Variants in DNAJC5 observed in about 807,000 individuals in gnomAD.
DNAJC5 encodes the protein DnaJ heat shock protein family (Hsp40) member C5.
In DNAJC5, 1 loss-of-function variant was observed where a neutral mutation model predicts 23.2. That is an observed-to-expected ratio of 0.04 (90% CI 0.02 to 0.20). DNAJC5 has a LOEUF of 0.20. Ranked by LOEUF, DNAJC5 falls within the 10% of genes least tolerant of loss-of-function variation. The probability of loss-of-function intolerance (pLI) is 1.00; values close to 1 mark genes in which losing one functional copy is unlikely to be tolerated. For missense variants in DNAJC5, 180 were observed against 267.0 expected, an observed-to-expected ratio of 0.67 and a Z score of 2.27; for synonymous variants, 136 against 120.0, an observed-to-expected ratio of 1.13 and a Z score of -0.87.
chr20:63,915,526 G>A (rs1423779948), intron 1 of DNAJC5, among the ~76,000 whole-genome samples: 2 of 152,152 alleles, frequency 1.3e-5, no homozygotes, highest in East Asian at 3.8e-4. Flanking sequence ...ACCAGTGAAG[G>A]GTCGGTGTCC....
In DNAJC5 at chr20:63,931,668, C is replaced by A; in HGVS notation, c.*100C>A. ...CAGAGATGGGAAGGCAGCCTCCTGC[C>A]TGCCCTGGCCTTGCTGGGGCCCCTC... On this transcript the variant is annotated 3_prime_UTR_variant, in exon 5 of 5. Transcript: ENST00000360864. The surrounding 1 kb of genome is among the most constrained non-coding windows in gnomAD (Gnocchi z 9.6). The A allele has an allele frequency of 7.7e-7, 1 of 1,295,346 alleles. No homozygotes were observed. Among genetic ancestry groups the A allele is most frequent in the Non-Finnish European group, 1.1e-6 (1 of 927,808 alleles). The allele number at this position is 1,295,346 out of a possible 1,614,324, so 80.2% of individuals were successfully genotyped here. A position where few individuals can be genotyped will look rare whatever the true frequency, so the allele number is the denominator to read the frequency against.
In DNAJC5 at chr20:63,934,948, C is replaced by CT. The variant is rs1383680496; in HGVS notation, c.*3382dup. The CT allele has an allele frequency of 6.6e-6, 1 of 152,296 alleles. No individual in the cohort carries two copies. The highest frequency in any genetic ancestry group is 2.4e-5 in the African/African-American group (1 of 41,458). 9.4% of individuals were successfully genotyped at this position (152,296 alleles called of 1,614,324 possible). ...AGAGTTCAGCGCTTGTCCACCCTCC[C>CT]TTAGCTCTGACTCAGTGCATCCTAC... On this transcript the variant is annotated 3_prime_UTR_variant, in exon 5 of 5. Transcript: ENST00000360864.
rs150002627 is a variant in DNAJC5 at position 63,897,252 on chromosome 20, G to A, written c.-12+1929G>A. ...TCTACTAAAAATACAAAATTAGCTG[G>A]GTGTGGTGGCGTGTGCCTGTAATCC... On this transcript the variant is annotated intron_variant, in intron 1 of 4. Coordinates refer to ENST00000360864, the MANE Select transcript of DNAJC5 (RefSeq NM_025219.3). Among the ~76,000 whole-genome samples, 937 of 152,216 alleles carry A rather than the reference G, an allele frequency of 6.2e-3. 10 individuals carry two copies. Among genetic ancestry groups the A allele is most frequent in the African/African-American group, 0.022 (905 of 41,524 alleles).
At position 63,899,866 on chromosome 20, in the gene DNAJC5, C is replaced by A. The variant is rs1488339432; in HGVS notation, c.-12+4543C>A. Among the ~76,000 whole-genome samples the A allele has an allele frequency of 3.3e-5, 5 of 149,646 alleles. No homozygotes were observed. The South Asian group carries it at 6.4e-4, about 19-fold the overall frequency. On this transcript the variant is annotated intron_variant, in intron 1 of 4. Coordinates refer to ENST00000360864, the MANE Select transcript of DNAJC5 (RefSeq NM_025219.3). ...AAAGTGCTGGGATTGCAGGTGTGAG[C>A]CACTGCGCCTGGGCTTTTTTTTTTT... is the stretch of plus-strand genomic sequence containing the variant.
chr20:63,902,313 G>A (rs892115507), intron 1 of DNAJC5, among the ~76,000 whole-genome samples: 10 of 149,174 alleles, frequency 6.7e-5, no homozygotes, highest in South Asian at 4.2e-4. Context: ...CTCGGCCTCC[G>A]AAAGTGCTGG....
intron 1 of DNAJC5, among the ~76,000 whole-genome samples, chr20:63,921,794 T>C (rs1475519624): frequency 6.6e-6 from 1 of 152,068 alleles, no homozygotes; most frequent in Non-Finnish European, 1.5e-5. Flanking sequence ...AGTTTTTTTT[T>C]TGGAGACAGG....
chr20:63,929,242 G>A lies in DNAJC5; in HGVS notation c.108-70G>A. 1 of 1,543,838 alleles carries A rather than the reference G, an allele frequency of 6.5e-7. No homozygotes were observed. Among genetic ancestry groups the A allele is most frequent in the Non-Finnish European group, 8.8e-7 (1 of 1,137,396 alleles). On this transcript the variant is annotated intron_variant, in intron 2 of 4. Transcript: ENST00000360864. The surrounding 1 kb of genome is among the most constrained non-coding windows in gnomAD (Gnocchi z 8.6). ...TGCACCCGGCAGTGCGTGCGGGTGGGATGGACGCGGCGGCGGGTGCGGGTG... is the reference window on the plus strand; with the variant it reads ...TGCACCCGGCAGTGCGTGCGGGTGGAATGGACGCGGCGGCGGGTGCGGGTG...
At chr20:63,910,345 C>T (rs1006730259) in intron 1 of DNAJC5, among the ~76,000 whole-genome samples, 3 of 152,052 alleles carry the variant, frequency 2.0e-5, no homozygotes, top group African/African-American at 7.2e-5. Context: ...GAGATGGAGA[C>T]CATCCTGGCT....
rs911281662 is a variant in DNAJC5 at position 63,919,362 on chromosome 20, G to A, written c.-11-8973G>A. On this transcript the variant is annotated intron_variant, in intron 1 of 4. Coordinates refer to ENST00000360864, the MANE Select transcript of DNAJC5 (RefSeq NM_025219.3). The stretch of plus-strand genomic sequence containing the variant: ...ATGAATGCTGAGCTGTGATGGCACC[G>A]ACGTGTCCGGGGAGAGGACGCACCC... 9 of 516,420 alleles carry A rather than the reference G, an allele frequency of 1.7e-5. 1 individual carries two copies. Among genetic ancestry groups the A allele is most frequent in the East Asian group, 1.1e-4 (2 of 18,290 alleles). The allele number at this position is 516,420 out of a possible 1,614,324, so 32.0% of individuals were successfully genotyped here.
At chr20:63,904,480 C>T (rs1398731145) in intron 1 of DNAJC5, among the ~76,000 whole-genome samples, 1 of 152,130 alleles carries the variant, frequency 6.6e-6, no homozygotes, top group African/African-American at 2.4e-5. Flanking sequence ...AAGACAAGGG[C>T]ACTGTAACTC....
intron 1 of DNAJC5, among the ~76,000 whole-genome samples, chr20:63,903,363 A>C (rs1014874682): frequency 6.6e-6 from 1 of 152,114 alleles, no homozygotes; most frequent in Non-Finnish European, 1.5e-5. Flanking sequence ...ACTGGAGAGC[A>C]GTGGTGCGAT....
At position 63,934,240 on chromosome 20, in the gene DNAJC5, A is replaced by G. The variant is rs1407910893; in HGVS notation, c.*2672A>G. On this transcript the variant is annotated 3_prime_UTR_variant, in exon 5 of 5. Coordinates refer to ENST00000360864, the MANE Select transcript of DNAJC5 (RefSeq NM_025219.3). ...TCTTTCTTGAGTGGACTGTTTCCCT[A>G]TAATTAAAAGAGGTGGTGAGTCCTG... 1 of 152,216 alleles carries G rather than the reference A, an allele frequency of 6.6e-6. No individual in the cohort carries two copies. The highest frequency in any genetic ancestry group is 1.5e-5 in the Non-Finnish European group (1 of 68,042). The allele number at this position is 152,216 out of a possible 1,614,324, so 9.4% of individuals were successfully genotyped here. A position where few individuals can be genotyped will look rare whatever the true frequency, so the allele number is the denominator to read the frequency against.
In DNAJC5 at chr20:63,928,750, C is replaced by T. The variant is rs763514457; in HGVS notation, c.107+298C>T. Among the ~76,000 whole-genome samples, 15 of 152,170 alleles carry T rather than the reference C, an allele frequency of 9.9e-5. No individual in the cohort carries two copies. Among genetic ancestry groups the T allele is most frequent in the African/African-American group, 2.7e-4 (11 of 41,456 alleles). ...TTGAGGCCTCACAGGAGCCGCAGAG[C>T]GCTGGCATGGTCCTGTGGTCTCCTT... is the stretch of plus-strand genomic sequence containing the variant. On this transcript the variant is annotated intron_variant, in intron 2 of 4. Coordinates refer to ENST00000360864, the MANE Select transcript of DNAJC5 (RefSeq NM_025219.3). The surrounding 1 kb of genome is among the most constrained non-coding windows in gnomAD (Gnocchi z 4.6).
intron 1 of DNAJC5, among the ~76,000 whole-genome samples, chr20:63,902,591 C>T (rs1269438478): frequency 1.3e-5 from 2 of 150,098 alleles, no homozygotes; most frequent in Admixed American, 6.7e-5. Flanking sequence ...TGGTCTCGAC[C>T]TCCCAACCTC....
chr20:63,925,722 A>C (rs1004432903), intron 1 of DNAJC5, among the ~76,000 whole-genome samples: 2 of 148,994 alleles, frequency 1.3e-5, no homozygotes, highest in Non-Finnish European at 3.0e-5. Context: ...GCGTCACCGC[A>C]CTCCAGCCTG....
intron 1 of DNAJC5, among the ~76,000 whole-genome samples, chr20:63,905,491 C>A (rs1287405711): frequency 6.6e-6 from 1 of 151,914 alleles, no homozygotes; most frequent in Non-Finnish European, 1.5e-5. Context: ...GTCACTGCAG[C>A]CTTCACCTCT....
At chr20:63,913,385 GT>G (rs1325266010) in intron 1 of DNAJC5, among the ~76,000 whole-genome samples, 2 of 150,408 alleles carry the variant, frequency 1.3e-5, no homozygotes, top group East Asian at 1.9e-4. Context: ...CTAACAGCCT[GT>G]TTTTTTTCTT....
At position 63,931,713 on chromosome 20, in the gene DNAJC5, G is replaced by A. The variant is rs917373671; in HGVS notation, c.*145G>A. On this transcript the variant is annotated 3_prime_UTR_variant, in exon 5 of 5. Transcript: ENST00000360864. The surrounding 1 kb of genome is among the most constrained non-coding windows in gnomAD (Gnocchi z 9.6). The stretch of plus-strand genomic sequence containing the variant: ...CCCCTCCTGCCTCCACGCCCACCCA[G>A]CGTCGACCCTTGACCCACGAAGTGC... 1.1e-5 allele frequency: 9 copies of A among 783,310 alleles called. No homozygotes were observed. Among genetic ancestry groups the A allele is most frequent in the African/African-American group, 5.1e-5 (3 of 58,614 alleles). 48.5% of individuals were successfully genotyped at this position (783,310 alleles called of 1,614,324 possible).
At chr20:63,908,203 T>A (rs1022057333) in intron 1 of DNAJC5, among the ~76,000 whole-genome samples, 2 of 152,244 alleles carry the variant, frequency 1.3e-5, no homozygotes, top group African/African-American at 4.8e-5. Flanking sequence ...ATGTATGTGC[T>A]TCACCAGGGA....
Sources: allele counts gnomAD v4.1 joint callset (sites outside exome capture counted in the v4.1 genomes callset), GRCh38; gene constraint gnomAD v4.1.1; non-coding constraint Gnocchi (gnomAD v3.1); transcripts MANE v1.5; gene names NCBI Gene and HGNC (gene_info 2026-07-23, HGNC 2026-07-21).